CTNNA3: variants seen among roughly 807,000 people sequenced by gnomAD.
CTNNA3 encodes catenin alpha-3.
A neutral mutation model predicts 95.7 loss-of-function variants in CTNNA3; 76 were observed. The ratio of observed to expected loss-of-function variants is 0.79; its 90% CI spans 0.66 to 0.96. CTNNA3 has a LOEUF of 0.96. Among genes scored for constraint, CTNNA3 ranks in the 40% least tolerant of loss-of-function variants. The pLI is 0.00. For synonymous variants in CTNNA3, 431 were observed against 374.4 expected, an observed-to-expected ratio of 1.15 and a Z score of -1.74; for missense variants, 1,191 against 1,089.8, an observed-to-expected ratio of 1.09 and a Z score of -1.31.
At chr10:66,610,457 G>GTTTA (rs1406431196) in intron 10 of CTNNA3, among the ~76,000 whole-genome samples, 1 of 152,008 alleles carries the variant, frequency 6.6e-6, no homozygotes, top group Non-Finnish European at 1.5e-5. Context: ...TTCAATAACA[G>GTTTA]TTTATTTAGA....
intron 9 of CTNNA3, among the ~76,000 whole-genome samples, chr10:66,751,793 G>A (rs1839150803): frequency 6.6e-6 from 1 of 151,994 alleles, no homozygotes; most frequent in Non-Finnish European, 1.5e-5. Context: ...TTTCTTTTAA[G>A]TGTACTACAC....
At chr10:66,766,186 G>T in intron 9 of CTNNA3, 78 bp downstream of exon 9, 1 of 1,455,438 alleles carries the variant, frequency 6.9e-7, no homozygotes, top group Non-Finnish European at 9.5e-7. Context: ...TTTTTATTTA[G>T]GTACAATTCA....
intron 7 of CTNNA3, among the ~76,000 whole-genome samples, chr10:67,008,618 T>C (rs1185166834): frequency 5.3e-5 from 8 of 152,148 alleles, no homozygotes; most frequent in East Asian, 1.9e-4. Context: ...TTGAAGGGGA[T>C]TGATGGTCTA....
chr10:66,017,768 G>A (rs2079123580), intron 15 of CTNNA3, among the ~76,000 whole-genome samples: 1 of 152,060 alleles, frequency 6.6e-6, no homozygotes, highest in South Asian at 2.1e-4. Context: ...TTTAACAAAT[G>A]AGAAAATGGG....
intron 4 of CTNNA3, among the ~76,000 whole-genome samples, chr10:67,538,266 T>A (rs1315733787): frequency 6.9e-6 from 1 of 144,932 alleles, no homozygotes; most frequent in Non-Finnish European, 1.5e-5. Flanking sequence ...AGCGTTAAAA[T>A]AAGCAATAGT....
At chr10:66,156,072 C>T (rs958516289) in intron 13 of CTNNA3, among the ~76,000 whole-genome samples, 6 of 151,916 alleles carry the variant, frequency 3.9e-5, no homozygotes, top group Non-Finnish European at 8.8e-5. Context: ...TACCATTACA[C>T]ATCCACCAGA....
chr10:67,422,130 C>G (rs1323403318), intron 5 of CTNNA3, among the ~76,000 whole-genome samples: 1 of 151,896 alleles, frequency 6.6e-6, no homozygotes, highest in Non-Finnish European at 1.5e-5. Flanking sequence ...AATGCATGAC[C>G]CTGGAATGGA....
Position 66,103,220 on chromosome 10 carries a change from G to A in CTNNA3, c.1914C>T (p.Asp638=). 6.2e-7 allele frequency: 1 copy of A among 1,614,038 alleles called. No homozygotes were observed. ...TGCGGACCTCGTGTTCCTCTTCAAG[G>A]TCAGAAACATCCTCCAGTTCCTCTG... ...RTPEELEDVS[D]LEEEHEVRSH... The change falls in exon 14 of 18, where the codon GAC becomes GAT. Residue 638 remains aspartate, a synonymous_variant. Transcript: ENST00000433211.
Position 66,511,013 on chromosome 10 carries a change from G to A in CTNNA3, c.1531+9604C>T, listed in dbSNP as rs1275957185. Among the ~76,000 whole-genome samples the A allele has an allele frequency of 2.6e-5, 4 of 151,846 alleles. No homozygotes were observed. The East Asian group carries it at 7.7e-4, about 29-fold the overall frequency. On this transcript the variant is annotated intron_variant, in intron 11 of 17. Coordinates refer to ENST00000433211, the MANE Select transcript of CTNNA3 (RefSeq NM_013266.4). ...TAGAATTCATTAGTGAATCCATCTGGTCTTGGACTTTTCTTTTTTGAGAGA... is the reference window on the plus strand; with the variant it reads ...TAGAATTCATTAGTGAATCCATCTGATCTTGGACTTTTCTTTTTTGAGAGA...
At chr10:66,729,791 A>T (rs1848896422) in intron 9 of CTNNA3, among the ~76,000 whole-genome samples, 1 of 152,202 alleles carries the variant, frequency 6.6e-6, no homozygotes, top group Middle Eastern at 3.2e-3. Context: ...AACCTAAGGA[A>T]ATTTAAAAAA....
chr10:67,024,672 G>A, intron 7 of CTNNA3, among the ~76,000 whole-genome samples: 1 of 152,140 alleles, frequency 6.6e-6, no homozygotes, highest in East Asian at 1.9e-4. Context: ...TAGAAAAATA[G>A]ATAATTGGTT....
intron 11 of CTNNA3, among the ~76,000 whole-genome samples, chr10:66,445,522 C>T (rs973586795): frequency 5.3e-5 from 8 of 152,164 alleles, no homozygotes; most frequent in African/African-American, 1.9e-4. Context: ...AAGAAACTCA[C>T]TCAAAACTGC....
intron 7 of CTNNA3, among the ~76,000 whole-genome samples, chr10:66,983,577 G>C (rs1850567126): frequency 6.6e-6 from 1 of 152,092 alleles, no homozygotes. Flanking sequence ...TTTTTATTGA[G>C]CTATTTATTT....
chr10:66,444,690 G>A (rs1475869210), intron 11 of CTNNA3, among the ~76,000 whole-genome samples: 2 of 152,138 alleles, frequency 1.3e-5, no homozygotes, highest in East Asian at 3.9e-4. Context: ...AACATGGAAA[G>A]CAACAACCGG....
intron 6 of CTNNA3, among the ~76,000 whole-genome samples, chr10:67,201,959 G>C (rs1863669103): frequency 6.6e-6 from 1 of 152,124 alleles, no homozygotes; most frequent in Non-Finnish European, 1.5e-5. Context: ...GAGAGCCCTG[G>C]ATTTGTCAAA....
At chr10:66,633,759 G>C (rs894994193) in intron 9 of CTNNA3, among the ~76,000 whole-genome samples, 1 of 152,102 alleles carries the variant, frequency 6.6e-6, no homozygotes, top group African/African-American at 2.4e-5. Context: ...CTGTTAATTT[G>C]AGTTATATAT....
intron 9 of CTNNA3, among the ~76,000 whole-genome samples, chr10:66,628,696 A>C (rs1008438470): frequency 2.6e-5 from 4 of 152,146 alleles, no homozygotes; most frequent in Non-Finnish European, 5.9e-5. Context: ...AATGGTGTCT[A>C]TGCCCCTTGG....
intron 16 of CTNNA3, among the ~76,000 whole-genome samples, chr10:65,967,613 AACAG>A (rs1255255221): frequency 6.6e-6 from 1 of 152,218 alleles, no homozygotes; most frequent in African/African-American, 2.4e-5. Context: ...GAAGCCAAGA[AACAG>A]ACAGGACACA....
chr10:66,834,447 T>C (rs144375059), intron 7 of CTNNA3, among the ~76,000 whole-genome samples: 17 of 152,352 alleles, frequency 1.1e-4, no homozygotes, highest in African/African-American at 4.1e-4. Flanking sequence ...ACAATAGTTA[T>C]ATGAAATAAA....
Sources: allele counts gnomAD v4.1 joint callset (sites outside exome capture counted in the v4.1 genomes callset), GRCh38; gene constraint gnomAD v4.1.1; transcripts MANE v1.5; gene names NCBI Gene and HGNC (gene_info 2026-07-23, HGNC 2026-07-21).